Variants in NFXL1 observed in about 807,000 individuals in gnomAD.
NFXL1 encodes NF-X1-type zinc finger protein NFXL1.
In NFXL1, 66 loss-of-function variants were observed where a neutral mutation model predicts 123.3. The observed-to-expected ratio is 0.54, with a 90% confidence interval of 0.44 to 0.66. The LOEUF (loss-of-function observed/expected upper bound fraction) is 0.66. Ranked by LOEUF, NFXL1 falls within the 30% of genes least tolerant of loss-of-function variation. The pLI is 0.00. For missense variants in NFXL1, 944 were observed against 1,125.6 expected (o/e 0.84, Z 2.31); for synonymous variants, 346 against 360.8 (o/e 0.96, Z 0.46).
intron 18 of NFXL1, among the ~76,000 whole-genome samples, chr4:47,873,375 C>T (rs937753174): frequency 6.6e-6 from 1 of 152,186 alleles, no homozygotes; most frequent in East Asian, 1.9e-4. Context: ...AAATCACCAC[C>T]TACATCTGGC....
At chr4:47,885,051 G>A (rs896022563) in intron 14 of NFXL1, among the ~76,000 whole-genome samples, 13 of 151,586 alleles carry the variant, frequency 8.6e-5, no homozygotes, top group Admixed American at 2.0e-4. Context: ...CACTGAACCC[G>A]GGAGGTGGAG....
chr4:47,880,971 AAG>A (rs1736078921), intron 15 of NFXL1, among the ~76,000 whole-genome samples: 1 of 152,044 alleles, frequency 6.6e-6, no homozygotes, highest in Non-Finnish European at 1.5e-5. Context: ...AGGAGGGGAT[AAG>A]AGAGATTTGT....
At chr4:47,868,418 C>G (rs1735233995) in intron 18 of NFXL1, among the ~76,000 whole-genome samples, 2 of 145,136 alleles carry the variant, frequency 1.4e-5, no homozygotes, top group South Asian at 2.2e-4. Flanking sequence ...AAACATGCAA[C>G]TAAACAATGA....
In NFXL1 at chr4:47,868,948, T is replaced by C. The variant is rs577761738; in HGVS notation, c.2247-6033A>G. Among the ~76,000 whole-genome samples, 6 of 152,318 alleles carry C rather than the reference T, an allele frequency of 3.9e-5. No individual in the cohort carries two copies. The South Asian group carries it at 1.2e-3, about 32-fold the overall frequency. On this transcript the variant is annotated intron_variant, in intron 18 of 22. Transcript: ENST00000507489. ...CAGAAACACACTAACAGGCTAGGCA[T>C]GATGGCTCATGCCTGTAATCTCAAC...
intron 11 of NFXL1, among the ~76,000 whole-genome samples, 200 bp from the exon 12 acceptor site, chr4:47,890,903 A>G (rs1030065259): frequency 1.3e-5 from 2 of 152,152 alleles, no homozygotes; most frequent in South Asian, 2.1e-4. Context: ...AAATCAAGCT[A>G]AATTTTCCTG....
chr4:47,905,636 G>A (rs776097374), intron 3 of NFXL1, among the ~76,000 whole-genome samples: 4 of 151,572 alleles, frequency 2.6e-5, no homozygotes, highest in Non-Finnish European at 4.4e-5. Context: ...CAGAAGCAGA[G>A]CCATAAGCAA....
At chr4:47,864,934 G>A (rs536004294) in intron 18 of NFXL1, among the ~76,000 whole-genome samples, 9 of 152,118 alleles carry the variant, frequency 5.9e-5, no homozygotes, top group South Asian at 2.1e-4. Flanking sequence ...ACTTGAAGCC[G>A]GTCAGTCAGA....
intron 22 of NFXL1, 155 bp downstream of exon 22, chr4:47,850,940 A>G: frequency 1.7e-6 from 1 of 585,802 alleles, no homozygotes. Flanking sequence ...CTTAAAGTCA[A>G]GTTAGTAGAT....
At position 47,898,051 on chromosome 4, in the gene NFXL1, G is replaced by T; in HGVS notation, c.1120C>A (p.His374Asn). 1.2e-6 allele frequency: 2 copies of T among 1,610,164 alleles called. No individual in the cohort carries two copies. Among genetic ancestry groups the T allele is most frequent in the Non-Finnish European group, 1.7e-6 (2 of 1,177,926 alleles). ...VCGKTLPCGNHTCEQVCHVGA... is the reference protein window; with the variant it reads ...VCGKTLPCGNNTCEQVCHVGA... ...ACATGGCAAACTTGCTCACATGTGT[G>T]ATTACCACATGGCAGTGTTTTTCCA... Residue 374 changes from histidine (H) to asparagine (N), a missense_variant, in exon 9 of 23, where the codon CAC becomes AAC. His to Asn is a moderately conservative substitution (Grantham distance 68). Transcript: ENST00000507489.
In NFXL1 at chr4:47,899,551, A is replaced by G; in HGVS notation, c.648-3T>C. 2 of 1,593,290 alleles carry G rather than the reference A, an allele frequency of 1.3e-6. No homozygotes were observed. The highest frequency in any genetic ancestry group is 2.2e-5 in the South Asian group (2 of 90,158). On this transcript the variant is annotated splice_polypyrimidine_tract_variant and splice_region_variant and intron_variant, in intron 5 of 22. Transcript: ENST00000507489. Reference sequence around the variant, plus strand: ...TGTATTCAAACCTACATTTTGGACTACAAAGAAGAAGAAAATTATTAAAGC... The same window carrying G: ...TGTATTCAAACCTACATTTTGGACTGCAAAGAAGAAGAAAATTATTAAAGC...
intron 10 of NFXL1, among the ~76,000 whole-genome samples, 177 bp from the exon 11 acceptor site, chr4:47,894,479 G>C (rs1477883839): frequency 1.3e-5 from 2 of 150,988 alleles, no homozygotes; most frequent in Non-Finnish European, 2.9e-5. Context: ...ATCTTACTTT[G>C]TTCCAAAAAG....
intron 19 of NFXL1, among the ~76,000 whole-genome samples, chr4:47,859,789 C>T (rs1293167741): frequency 1.6e-5 from 2 of 121,618 alleles, no homozygotes; most frequent in African/African-American, 6.4e-5. Context: ...TTGTAGTGAG[C>T]CAAGATTGCG....
intron 19 of NFXL1, among the ~76,000 whole-genome samples, chr4:47,856,732 T>C (rs1278802916): frequency 6.6e-6 from 1 of 152,208 alleles, no homozygotes; most frequent in Non-Finnish European, 1.5e-5. Context: ...CTAATCCTAC[T>C]ATAGGGCAGA....
At chr4:47,852,483 G>A (rs1424444624) in intron 20 of NFXL1, among the ~76,000 whole-genome samples, 1 of 152,060 alleles carries the variant, frequency 6.6e-6, no homozygotes, top group Non-Finnish European at 1.5e-5. Context: ...TGTGACTAGT[G>A]GCTACCATCT....
At chr4:47,862,720 C>T (rs1379933127) in intron 19 of NFXL1, 126 bp downstream of exon 19, 1 of 716,952 alleles carries the variant, frequency 1.4e-6, no homozygotes, top group Admixed American at 2.6e-5. Flanking sequence ...AACTATATGT[C>T]TTACGTGTTT....
chr4:47,912,612 C>T (rs113893156), intron 2 of NFXL1, among the ~76,000 whole-genome samples: 33 of 150,092 alleles, frequency 2.2e-4, no homozygotes, highest in African/African-American at 7.8e-4. Context: ...GCGCCTGCCA[C>T]CCCGCCCGGC....
chr4:47,899,631 T>C (rs2110100299), intron 5 of NFXL1, 83 bp from the exon 6 acceptor site: 1 of 803,634 alleles, frequency 1.2e-6, no homozygotes. Flanking sequence ...ACAGAGTATA[T>C]TCTGTTAAAT....
At chr4:47,855,976 A>G (rs1734386195) in intron 19 of NFXL1, among the ~76,000 whole-genome samples, 1 of 152,226 alleles carries the variant, frequency 6.6e-6, no homozygotes, top group Non-Finnish European at 1.5e-5. Context: ...ATACATAAAT[A>G]CATAATAGTA....
At chr4:47,882,096 T>C (rs1048156519) in intron 15 of NFXL1, 4 of 152,242 alleles carry the variant, frequency 2.6e-5, no homozygotes, top group African/African-American at 9.6e-5. Context: ...GTATCACTAA[T>C]GAAAGTTGGT....
Sources: allele counts gnomAD v4.1 joint callset (sites outside exome capture counted in the v4.1 genomes callset), GRCh38; gene constraint gnomAD v4.1.1; transcripts MANE v1.5; gene names NCBI Gene and HGNC (gene_info 2026-07-23, HGNC 2026-07-21).